RABEP1: variants seen among roughly 807,000 people sequenced by gnomAD.
RABEP1 encodes the protein rab GTPase-binding effector protein 1.
Under a neutral mutation model 123.4 loss-of-function variants are expected in RABEP1, and 51 were observed. The ratio of observed to expected loss-of-function variants is 0.41; its 90% confidence interval spans 0.33 to 0.52. RABEP1 has a LOEUF of 0.52. Ranked by LOEUF, RABEP1 falls within the 20% of genes least tolerant of loss-of-function variation. RABEP1 has a pLI of 0.16. For missense variants in RABEP1, 888 were observed against 996.3 expected (o/e 0.89, Z 1.46); for synonymous variants, 347 against 355.2 (o/e 0.98, Z 0.26).
chr17:5,294,344 A>G, intron 1 of RABEP1, among the ~76,000 whole-genome samples: 1 of 152,158 alleles, frequency 6.6e-6, no homozygotes, highest in Non-Finnish European at 1.5e-5. Context: ...AGGTGGCGCC[A>G]CTGCACTCCA....
chr17:5,293,891 T>C (rs1460311372), intron 1 of RABEP1, among the ~76,000 whole-genome samples: 1 of 151,960 alleles, frequency 6.6e-6, no homozygotes, highest in African/African-American at 2.4e-5. Context: ...TCATTTCAAT[T>C]ATTAAGTTGT....
intron 2 of RABEP1, among the ~76,000 whole-genome samples, chr17:5,325,590 T>A (rs772255828): frequency 6.6e-5 from 10 of 151,894 alleles, no homozygotes; most frequent in Non-Finnish European, 1.3e-4. Context: ...ATAGAAGAAA[T>A]AAGACCTAGT....
intron 4 of RABEP1, among the ~76,000 whole-genome samples, chr17:5,335,552 T>C (rs1906993456): frequency 6.6e-6 from 1 of 152,174 alleles, no homozygotes; most frequent in Admixed American, 6.6e-5. Context: ...ATATCACTAC[T>C]TCATGGGGTT....
chr17:5,345,081 T>C (rs1454025937), intron 5 of RABEP1, among the ~76,000 whole-genome samples: 2 of 152,080 alleles, frequency 1.3e-5, no homozygotes, highest in Non-Finnish European at 2.9e-5. Context: ...ACACTAGAAA[T>C]TGGGGAAATG....
intron 17 of RABEP1, among the ~76,000 whole-genome samples, 199 bp from the exon 18 acceptor site, chr17:5,382,923 T>C (rs1031165789): frequency 1.3e-5 from 2 of 150,792 alleles, no homozygotes; most frequent in Non-Finnish European, 2.9e-5. Flanking sequence ...AGCAAAACTC[T>C]CCCCCCCAAA....
chr17:5,338,291 GTGGCTCACGCCTGTAA>G, intron 5 of RABEP1, 153 bp downstream of exon 5: 1 of 979,576 alleles, frequency 1.0e-6, no homozygotes, highest in South Asian at 1.9e-5. Context: ...GCCGGGCGAG[GTGGCTCACGCCTGTAA>G]TCCCAGCACT....
intron 2 of RABEP1, among the ~76,000 whole-genome samples, chr17:5,329,512 CAA>C (rs1448306801): frequency 6.6e-6 from 1 of 152,136 alleles, no homozygotes; most frequent in Non-Finnish European, 1.5e-5. Context: ...GCCTGGGCAA[CAA>C]GAGCGAGACT....
chr17:5,386,071 CAT>C lies in RABEP1; in HGVS notation c.*2851_*2852del, dbSNP rs1911934682. The C allele has an allele frequency of 1.1e-5, 7 of 628,444 alleles. No homozygotes were observed. The highest frequency in any genetic ancestry group is 1.9e-5 in the Non-Finnish European group (7 of 360,376). The allele number at this position is 628,444 out of a possible 1,614,324, so 38.9% of individuals were successfully genotyped here. A position where few individuals can be genotyped will look rare whatever the true frequency, so the allele number is the denominator to read the frequency against. On this transcript the variant is annotated 3_prime_UTR_variant, in exon 18 of 18. Transcript: ENST00000537505. ...CATTTACTCAATTATTATAAAACAA[CAT>C]ATTTAAAAAGATGAACCACACCAAA...
chr17:5,304,034 C>CA (rs752985837), intron 1 of RABEP1, among the ~76,000 whole-genome samples: 21,535 of 107,146 alleles, frequency 0.2, 1,615 homozygotes, highest in Middle Eastern at 0.24. Context: ...AATTCCATCT[C>CA]AAAAAAAAAA....
chr17:5,366,437 G>A (rs1056558029), intron 11 of RABEP1, among the ~76,000 whole-genome samples: 4 of 151,976 alleles, frequency 2.6e-5, no homozygotes, highest in Non-Finnish European at 4.4e-5. Context: ...CTTTTACTCA[G>A]TAGCTTATAT....
intron 12 of RABEP1, among the ~76,000 whole-genome samples, chr17:5,373,079 G>T (rs1018926729): frequency 4.6e-5 from 7 of 152,156 alleles, no homozygotes; most frequent in Non-Finnish European, 1.0e-4. Flanking sequence ...TTTTTAAGCG[G>T]TTTGTAGAAA....
At chr17:5,380,222 C>A in intron 15 of RABEP1, 142 bp from the exon 16 acceptor site, 1 of 602,322 alleles carries the variant, frequency 1.7e-6, no homozygotes, top group Non-Finnish European at 2.9e-6. Context: ...AGAGGGGATC[C>A]ACAGAGCTGA....
At chr17:5,293,630 CTCCTGGGCTCAAGG>C (rs1170724783) in intron 1 of RABEP1, among the ~76,000 whole-genome samples, 1 of 152,158 alleles carries the variant, frequency 6.6e-6, no homozygotes, top group Non-Finnish European at 1.5e-5. Context: ...TGGTCTCAAA[CTCCTGGGCTCAAGG>C]GATCCACCTG....
chr17:5,353,796 C>A (rs1908772182), intron 7 of RABEP1, among the ~76,000 whole-genome samples: 1 of 152,054 alleles, frequency 6.6e-6, no homozygotes, highest in South Asian at 2.1e-4. Context: ...CCAGCCTGGG[C>A]AACAATGTGA....
intron 1 of RABEP1, among the ~76,000 whole-genome samples, chr17:5,282,818 A>C (rs1391152804): frequency 1.3e-5 from 2 of 150,998 alleles, no homozygotes; most frequent in Non-Finnish European, 3.0e-5. Context: ...GGTTCTGGGT[A>C]GCGGGGGACC....
rs745602495 is a variant in RABEP1, at chr17:5,354,368, GAAC to G, written c.979_981del (p.Gln327del). On this transcript the variant is annotated inframe_deletion, in exon 8 of 18. Transcript: ENST00000537505. ...TTTTTCTTCCTTTTAGGAGGATGATGAACAACAAAGACTCAATAAGAGAAAGGA... is the reference window on the plus strand; with the variant it reads ...TTTTTCTTCCTTTTAGGAGGATGATGAACAAAGACTCAATAAGAGAAAGGA... The G allele has an allele frequency of 2.4e-5, 39 of 1,609,038 alleles. No individual in the cohort carries two copies. In the Middle Eastern group the frequency reaches 3.1e-3, roughly 130 times the overall value.
At chr17:5,322,867 G>A (rs889467631) in intron 2 of RABEP1, among the ~76,000 whole-genome samples, 19 of 152,270 alleles carry the variant, frequency 1.2e-4, no homozygotes, top group Non-Finnish European at 2.4e-4. Context: ...TTGAGGCCAG[G>A]AGTTTGAGAC....
intron 2 of RABEP1, among the ~76,000 whole-genome samples, chr17:5,309,156 T>C (rs1376022832): frequency 2.0e-5 from 3 of 152,208 alleles, no homozygotes; most frequent in Non-Finnish European, 4.4e-5. Context: ...AGCTATGTTA[T>C]CTTTAATTCC....
intron 1 of RABEP1, chr17:5,284,054 G>C (rs1218915814): frequency 6.6e-6 from 1 of 152,234 alleles, no homozygotes; most frequent in Non-Finnish European, 1.5e-5. Flanking sequence ...AGAGCTTGTG[G>C]TTCTGAACAG....
Sources: gnomAD v4.1 joint callset for allele counts (sites outside exome capture counted in the v4.1 genomes callset) on GRCh38, gnomAD v4.1.1 for gene constraint, MANE v1.5 for transcripts, NCBI Gene and HGNC (gene_info 2026-07-23, HGNC 2026-07-21) for gene names.